Variants in RGS12 observed in about 807,000 individuals in gnomAD.
RGS12 encodes the protein regulator of G protein signaling 12, also known as regulator of G-protein signaling 12.
In RGS12, 66 loss-of-function variants were observed where a neutral mutation model predicts 120.1. The observed-to-expected ratio is 0.55, with a 90% CI of 0.45 to 0.67. RGS12 has a LOEUF of 0.67. Ranked by LOEUF, RGS12 falls within the 30% of genes least tolerant of loss-of-function variation. The pLI is 0.00. For missense variants in RGS12, 1,859 were observed against 1,957.7 expected (o/e 0.95, Z 0.95); for synonymous variants, 827 against 804.7 (o/e 1.03, Z -0.47).
At chr4:3,350,947 A>C (rs999452904) in intron 3 of RGS12, among the ~76,000 whole-genome samples, 2 of 151,482 alleles carry the variant, frequency 1.3e-5, no homozygotes, top group African/African-American at 4.9e-5. Context: ...AAACAGAAAA[A>C]CATAGTAATA....
At chr4:3,376,576 G>A (rs1355472942) in intron 3 of RGS12, among the ~76,000 whole-genome samples, 1 of 152,270 alleles carries the variant, frequency 6.6e-6, no homozygotes, top group East Asian at 1.9e-4. Flanking sequence ...CAGACTTGCA[G>A]CTCAGAAGTG....
intron 1 of RGS12, among the ~76,000 whole-genome samples, chr4:3,298,018 T>C (rs548695423): frequency 1.0e-3 from 158 of 152,294 alleles, no homozygotes; most frequent in Non-Finnish European, 1.1e-3. Flanking sequence ...ATTTTGAAAA[T>C]GTTGCTTCAT....
intron 3 of RGS12, among the ~76,000 whole-genome samples, chr4:3,362,768 T>C (rs1715798416): frequency 7.2e-6 from 1 of 139,628 alleles, no homozygotes; most frequent in Admixed American, 7.2e-5. Flanking sequence ...GATGTGAGGG[T>C]GTGAGTTAGG....
At chr4:3,288,744 G>A (rs749510003), upstream of RGS12, among the ~76,000 whole-genome samples, 12 of 152,282 alleles carry the variant, frequency 7.9e-5, no homozygotes, top group African/African-American at 2.6e-4. This position sits in a 1 kb window ranked among gnomAD's most constrained non-coding sequence, Gnocchi z 5.2. Flanking sequence ...AAAGGGATCC[G>A]GTCCCCGTGA....
chr4:3,342,534 C>T (rs931538235), intron 2 of RGS12: 39 of 1,292,946 alleles, frequency 3.0e-5, no homozygotes, highest in Non-Finnish European at 3.9e-5. Flanking sequence ...TGAAAACCTG[C>T]CTTCATCTTT....
chr4:3,298,931 C>G (rs1480659645), intron 1 of RGS12, among the ~76,000 whole-genome samples: 1 of 152,176 alleles, frequency 6.6e-6, no homozygotes, highest in African/African-American at 2.4e-5. Flanking sequence ...TTCTTTTCTG[C>G]TAATTTCAAC....
intron 2 of RGS12, among the ~76,000 whole-genome samples, chr4:3,325,355 T>C (rs1423786651): frequency 6.6e-6 from 1 of 152,196 alleles, no homozygotes; most frequent in Admixed American, 6.5e-5. Context: ...TCTCTGAAAC[T>C]CATGTTGAAA....
intron 3 of RGS12, among the ~76,000 whole-genome samples, chr4:3,350,816 C>T (rs183283842): frequency 1.2e-4 from 19 of 152,298 alleles, no homozygotes; most frequent in Admixed American, 5.9e-4. Context: ...TAAGGGATTT[C>T]TGGCTAACTA....
chr4:3,327,027 A>G (rs1725590722), intron 2 of RGS12, among the ~76,000 whole-genome samples: 1 of 152,230 alleles, frequency 6.6e-6, no homozygotes, highest in South Asian at 2.1e-4. Context: ...AAAAAGAACA[A>G]AGCTGGAGAT....
chr4:3,353,682 A>G (rs569132024), intron 3 of RGS12, among the ~76,000 whole-genome samples: 1 of 152,214 alleles, frequency 6.6e-6, no homozygotes, highest in African/African-American at 2.4e-5. Flanking sequence ...GAAGGAACCA[A>G]TGTGAGGGTT....
At chr4:3,352,038 TAAAAC>T (rs1363792434) in intron 3 of RGS12, among the ~76,000 whole-genome samples, 4 of 151,908 alleles carry the variant, frequency 2.6e-5, no homozygotes, top group African/African-American at 9.7e-5. Flanking sequence ...CAAATCAAAA[TAAAAC>T]AAAAAATAAG....
intron 4 of RGS12, among the ~76,000 whole-genome samples, chr4:3,392,634 G>C (rs1183199290): frequency 4.3e-4 from 66 of 152,222 alleles, no homozygotes; most frequent in Non-Finnish European, 2.9e-5. Context: ...TTCATCTTTA[G>C]CAGTTCCTTC....
intron 4 of RGS12, among the ~76,000 whole-genome samples, chr4:3,405,199 T>TA (rs1159008854): frequency 6.6e-6 from 1 of 152,192 alleles, no homozygotes; most frequent in African/African-American, 2.4e-5. Context: ...GCAAGACACT[T>TA]ACAGAGCCTC....
chr4:3,371,366 C>T (rs1716966683), intron 3 of RGS12, among the ~76,000 whole-genome samples: 1 of 152,204 alleles, frequency 6.6e-6, no homozygotes, highest in African/African-American at 2.4e-5. Context: ...AATTTTGGAG[C>T]TGTCGTGGGT....
chr4:3,417,689 A>G (rs1722563836), intron 9 of RGS12, 148 bp downstream of exon 9: 2 of 777,170 alleles, frequency 2.6e-6, no homozygotes, highest in East Asian at 2.7e-5. Flanking sequence ...CTGAATGAAT[A>G]AGGAATGCCG....
intron 1 of RGS12, chr4:3,312,458 G>A (rs1282076075): frequency 4.7e-6 from 1 of 214,126 alleles, no homozygotes; most frequent in East Asian, 1.1e-4. Context: ...TGTGAGGGTT[G>A]CGTTCCTGCG....
chr4:3,412,959 C>A (rs1261828903), intron 4 of RGS12: 2 of 152,106 alleles, frequency 1.3e-5, no homozygotes, highest in African/African-American at 2.4e-5. Flanking sequence ...CAGGGGCGCC[C>A]CCACACTGCT....
chr4:3,299,390 C>T (rs1205470357), intron 1 of RGS12, among the ~76,000 whole-genome samples: 1 of 152,136 alleles, frequency 6.6e-6, no homozygotes, highest in Non-Finnish European at 1.5e-5. Context: ...GTGCTCTAGC[C>T]ATTTTTAGAA....
upstream of RGS12, among the ~76,000 whole-genome samples, chr4:3,289,411 C>G (rs1260985264): frequency 1.3e-5 from 2 of 152,102 alleles, no homozygotes; most frequent in African/African-American, 4.8e-5. Context: ...ACTGTGTTGC[C>G]CAGGCTGGTC....
Sources: gnomAD v4.1 joint callset for allele counts (sites outside exome capture counted in the v4.1 genomes callset) on GRCh38, gnomAD v4.1.1 for gene constraint, Gnocchi (gnomAD v3.1) non-coding constraint, MANE v1.5 for transcripts, NCBI Gene and HGNC (gene_info 2026-07-23, HGNC 2026-07-21) for gene names.